Variants in ENOX1 observed in about 807,000 individuals in gnomAD.
ENOX1 encodes the protein ecto-NOX disulfide-thiol exchanger 1.
ENOX1 carries 42 observed loss-of-function variants against 82.5 expected under a neutral mutation model. The observed-to-expected ratio is 0.51, with a 90% CI of 0.40 to 0.66. The LOEUF is 0.66. Among genes scored for constraint, ENOX1 ranks in the 30% least tolerant of loss-of-function variants. The pLI, the probability that ENOX1 is intolerant of heterozygous loss-of-function variation, is 0.00. For synonymous variants in ENOX1, 271 were observed against 282.2 expected, an observed-to-expected ratio of 0.96 and a Z score of 0.40; for missense variants, 608 against 811.6, an observed-to-expected ratio of 0.75 and a Z score of 3.05.
chr13:43,526,035 T>C (rs1593635399), intron 2 of ENOX1, among the ~76,000 whole-genome samples: 1 of 152,290 alleles, frequency 6.6e-6, no homozygotes. Flanking sequence ...ACAGAGATGG[T>C]GCCTGTTGAT....
rs146018921 is a variant in ENOX1, at chr13:43,487,001, C to T, written c.-218-2849G>A. Among the ~76,000 whole-genome samples the T allele has an allele frequency of 5.5e-3, 840 of 152,144 alleles. 4 individuals carry two copies. Among genetic ancestry groups the T allele is most frequent in the African/African-American group, 0.019 (809 of 41,530 alleles). On this transcript the variant is annotated intron_variant, in intron 2 of 16. Coordinates refer to ENST00000690772, the MANE Select transcript of ENOX1 (RefSeq NM_001347969.2). The stretch of plus-strand genomic sequence containing the variant: ...CAGCCTGGCCAACATGATGAAACCC[C>T]GTCTCTACTAAATACAAAAATTAGC...
chr13:43,587,684 G>A (rs1221792192), intron 2 of ENOX1, among the ~76,000 whole-genome samples: 1 of 152,140 alleles, frequency 6.6e-6, no homozygotes, highest in East Asian at 1.9e-4. Flanking sequence ...TTGACTTGAT[G>A]TTCCACTTCA....
At chr13:43,683,212 C>A (rs2153798929) in intron 1 of ENOX1, among the ~76,000 whole-genome samples, 1 of 152,228 alleles carries the variant, frequency 6.6e-6, no homozygotes, top group Middle Eastern at 3.4e-3. Context: ...TGGGGGTGAG[C>A]TGCAAGGCAA....
intron 1 of ENOX1, among the ~76,000 whole-genome samples, chr13:43,713,805 T>A (rs1233208123): frequency 1.1e-4 from 17 of 151,900 alleles, no homozygotes; most frequent in South Asian, 6.2e-4. Context: ...CTTCTCTCTT[T>A]TCTTCTTTAT....
intron 5 of ENOX1, among the ~76,000 whole-genome samples, chr13:43,387,089 T>C (rs1376776335): frequency 1.3e-5 from 2 of 152,228 alleles, no homozygotes; most frequent in African/African-American, 4.8e-5. Flanking sequence ...TGCCAGGCAT[T>C]GTTTTAGGAA....
At chr13:43,419,835 G>T (rs1488921908) in intron 3 of ENOX1, among the ~76,000 whole-genome samples, 5 of 152,132 alleles carry the variant, frequency 3.3e-5, no homozygotes, top group Non-Finnish European at 7.4e-5. Flanking sequence ...GCCGGGCGTG[G>T]TGACGTGCAC....
rs184210897 is a variant in ENOX1, at chr13:43,295,866, T to C, written c.1446+2480A>G. Among the ~76,000 whole-genome samples the C allele has an allele frequency of 8.8e-4, 134 of 152,308 alleles. No homozygotes were observed. In the Middle Eastern group the frequency reaches 0.014, roughly 15 times the overall value. ...TTATATTTTAAAACTCTGTAAAAGATGTTCTGCCACAGAGATAGCCATACA... is the reference window on the plus strand; with the variant it reads ...TTATATTTTAAAACTCTGTAAAAGACGTTCTGCCACAGAGATAGCCATACA... On this transcript the variant is annotated intron_variant, in intron 12 of 16. Transcript: ENST00000690772.
chr13:43,267,361 G>T (rs148177551), intron 13 of ENOX1, among the ~76,000 whole-genome samples: 2 of 152,344 alleles, frequency 1.3e-5, no homozygotes, highest in Non-Finnish European at 2.9e-5. Context: ...CTGCATCTTC[G>T]CAAATGGGAA....
chr13:43,759,780 T>C (rs770384952), intron 1 of ENOX1, among the ~76,000 whole-genome samples: 6 of 152,212 alleles, frequency 3.9e-5, no homozygotes, highest in South Asian at 2.1e-4. Context: ...ACTTCTTGGA[T>C]GATGTCTTAA....
In ENOX1 at chr13:43,633,555, G is replaced by C. The variant is rs571869463; in HGVS notation, c.-219+33924C>G. ...TATCCATACCAAGGAATGTTGTAGA[G>C]CTATTAAAAATAATGAAGTAGATAT... On this transcript the variant is annotated intron_variant, in intron 2 of 16. Transcript: ENST00000690772. 9.9e-5 allele frequency among the ~76,000 whole-genome samples: 15 copies of C among 152,104 alleles called. No homozygotes were observed. In the East Asian group the frequency reaches 2.5e-3, roughly 25 times the overall value.
intron 14 of ENOX1, among the ~76,000 whole-genome samples, chr13:43,253,373 A>G (rs951823683): frequency 1.3e-5 from 2 of 152,170 alleles, no homozygotes; most frequent in African/African-American, 4.8e-5. Flanking sequence ...CATCCCAGTG[A>G]GCTATGTGTC....
intron 1 of ENOX1, among the ~76,000 whole-genome samples, chr13:43,709,232 T>C (rs924183625): frequency 1.3e-5 from 2 of 151,974 alleles, no homozygotes; most frequent in African/African-American, 4.8e-5. Context: ...AAACCACAAA[T>C]ATTGATGAGG....
chr13:43,312,869 C>T (rs2224885), intron 11 of ENOX1, among the ~76,000 whole-genome samples: 145,083 of 152,154 alleles, frequency 0.95, 69,584 homozygotes, highest in East Asian at 1. Context: ...CAGAAAATGA[C>T]GGGAAGACCA....
At chr13:43,660,387 G>C (rs779236290) in intron 2 of ENOX1, among the ~76,000 whole-genome samples, 2 of 152,158 alleles carry the variant, frequency 1.3e-5, no homozygotes, top group Non-Finnish European at 2.9e-5. Context: ...AAAATGATCA[G>C]TCAGTCTTTA....
At chr13:43,637,915 T>C (rs1293762366) in intron 2 of ENOX1, among the ~76,000 whole-genome samples, 2 of 152,070 alleles carry the variant, frequency 1.3e-5, no homozygotes, top group African/African-American at 4.8e-5. Context: ...CATCCGGCAA[T>C]AGGAAAGACT....
At chr13:43,226,907 A>AT (rs1274954564) in intron 15 of ENOX1, among the ~76,000 whole-genome samples, 4 of 152,218 alleles carry the variant, frequency 2.6e-5, no homozygotes, top group African/African-American at 9.6e-5. Flanking sequence ...ACAAGGGTGT[A>AT]TAAGTCTCCC....
chr13:43,734,767 G>A (rs2089528865), intron 1 of ENOX1, among the ~76,000 whole-genome samples: 1 of 152,156 alleles, frequency 6.6e-6, no homozygotes, highest in African/African-American at 2.4e-5. Flanking sequence ...ATAATAAAAT[G>A]TGCTCTAAAG....
chr13:43,545,151 G>C (rs2153696471), intron 2 of ENOX1: 1 of 152,252 alleles, frequency 6.6e-6, no homozygotes, highest in South Asian at 2.1e-4. Flanking sequence ...ACCTTCAATG[G>C]TATCTCTGCT....
chr13:43,493,769 G>A (rs1159697300), intron 2 of ENOX1, among the ~76,000 whole-genome samples: 1 of 152,192 alleles, frequency 6.6e-6, no homozygotes, highest in Admixed American at 6.5e-5. Context: ...GCCTACTGAA[G>A]CACTGAGAAT....
Sources: allele counts gnomAD v4.1 joint callset (sites outside exome capture counted in the v4.1 genomes callset), GRCh38; gene constraint gnomAD v4.1.1; transcripts MANE v1.5; gene names NCBI Gene and HGNC (gene_info 2026-07-23, HGNC 2026-07-21).